PARD6G: variants seen among roughly 807,000 people sequenced by gnomAD.
PARD6G encodes par-6 family cell polarity regulator gamma.
In PARD6G, 7 loss-of-function variants were observed where a neutral mutation model predicts 10.7. That is an observed-to-expected ratio of 0.66 (90% CI 0.37 to 1.23). The LOEUF is 1.23. Ranked by LOEUF, PARD6G falls within the 50% of genes most tolerant of loss-of-function variation. The probability of loss-of-function intolerance (pLI) is 0.02; values close to 1 mark genes in which losing one functional copy is unlikely to be tolerated. For synonymous variants in PARD6G, 287 were observed against 269.4 expected, an observed-to-expected ratio of 1.07 and a Z score of -0.64; for missense variants, 548 against 571.8, an observed-to-expected ratio of 0.96 and a Z score of 0.42.
chr18:80,176,695 T>TC (rs1336821249), intron 2 of PARD6G, among the ~76,000 whole-genome samples: 1 of 151,660 alleles, frequency 6.6e-6, no homozygotes, highest in Admixed American at 6.6e-5. Flanking sequence ...GAAGAAAGCC[T>TC]CCCCCCTCAT....
chr18:80,193,017 T>C lies in PARD6G; in HGVS notation c.295+9693A>G, dbSNP rs542541880. On this transcript the variant is annotated intron_variant, in intron 2 of 2. Coordinates refer to ENST00000353265, the MANE Select transcript of PARD6G (RefSeq NM_032510.4). The stretch of plus-strand genomic sequence containing the variant: ...TCTCAAGACAGAACTTGCTTCCTAG[T>C]TCAGAAAGGCCCCAAGCAGATGGTG... 4.6e-5 allele frequency among the ~76,000 whole-genome samples: 7 copies of C among 152,228 alleles called. No homozygotes were observed. The South Asian group carries it at 1.2e-3, about 27-fold the overall frequency.
intron 2 of PARD6G, among the ~76,000 whole-genome samples, chr18:80,186,974 C>G (rs1018155712): frequency 6.6e-6 from 1 of 152,112 alleles, no homozygotes; most frequent in Non-Finnish European, 1.5e-5. Context: ...TGGCGGGCAC[C>G]TGTAGTCCCA....
intron 1 of PARD6G, among the ~76,000 whole-genome samples, chr18:80,208,817 C>T (rs978566973): frequency 6.6e-5 from 10 of 152,124 alleles, no homozygotes; most frequent in African/African-American, 2.4e-4. Flanking sequence ...TAATAGATAA[C>T]CCCATCAAAA....
intron 2 of PARD6G, chr18:80,187,871 C>T (rs2052888704): frequency 6.6e-6 from 1 of 152,196 alleles, no homozygotes; most frequent in Admixed American, 6.5e-5. Flanking sequence ...GTGGAGTAGC[C>T]CATTGCTCTG....
intron 1 of PARD6G, among the ~76,000 whole-genome samples, chr18:80,242,500 A>G (rs1967500926): frequency 6.6e-6 from 1 of 152,186 alleles, no homozygotes; most frequent in Non-Finnish European, 1.5e-5. Flanking sequence ...TGCTAACACA[A>G]AACACTGCAC....
chr18:80,179,966 T>C (rs1309004570), intron 2 of PARD6G, among the ~76,000 whole-genome samples: 1 of 152,230 alleles, frequency 6.6e-6, no homozygotes. Flanking sequence ...GGCACCCAGC[T>C]GCCAAGAGCT....
At chr18:80,160,727 A>G (rs2052694732) in intron 2 of PARD6G, 121 bp from the exon 3 acceptor site, 4 of 1,379,128 alleles carry the variant, frequency 2.9e-6, no homozygotes, top group Non-Finnish European at 3.8e-6. Context: ...GGTGCACAGG[A>G]GCATTCCAGA....
chr18:80,223,440 C>T (rs939885344), intron 1 of PARD6G, among the ~76,000 whole-genome samples: 6 of 151,968 alleles, frequency 3.9e-5, no homozygotes, highest in Non-Finnish European at 8.8e-5. Flanking sequence ...AAAAGACAAC[C>T]CCATTAAAAA....
At chr18:80,179,333 C>T (rs987054347) in intron 2 of PARD6G, among the ~76,000 whole-genome samples, 2 of 152,182 alleles carry the variant, frequency 1.3e-5, no homozygotes, top group African/African-American at 4.8e-5. Flanking sequence ...CTCAGCAAGG[C>T]CCAGGGAGGA....
chr18:80,202,513 T>C (rs1967017040), intron 2 of PARD6G, 197 bp downstream of exon 2: 1 of 536,496 alleles, frequency 1.9e-6, no homozygotes, highest in African/African-American at 1.9e-5. Flanking sequence ...AAGTCAGAAG[T>C]CAATATCATT....
chr18:80,160,136 C>T lies in PARD6G; in HGVS notation c.766G>A (p.Val256Met). The T allele has an allele frequency of 6.2e-7, 1 of 1,613,068 alleles. No homozygotes were observed. Among genetic ancestry groups the T allele is most frequent in the Non-Finnish European group, 8.5e-7 (1 of 1,179,696 alleles). ...TVKPANQRNN[V>M]VRGGRALGSS... ...CCCAACGCGCGGCCGCCGCGCACCA[C>T]GTTGTTGCGCTGGTTGGCGGGCTTG... The change falls in exon 3 of 3, where the codon GTG becomes ATG. Residue 256 changes from valine to methionine, a missense_variant. This residue lies in a region of PARD6G where 313 missense variants were observed against 279.9 expected (regional missense o/e 1.12). Transcript: ENST00000353265.
chr18:80,203,761 G>A (rs1041041383), intron 1 of PARD6G, among the ~76,000 whole-genome samples: 8 of 152,088 alleles, frequency 5.3e-5, no homozygotes, highest in South Asian at 2.1e-4. Flanking sequence ...AAGACCTTAC[G>A]GGTCTTAATT....
At chr18:80,205,915 G>A (rs1967049850) in intron 1 of PARD6G, among the ~76,000 whole-genome samples, 2 of 152,198 alleles carry the variant, frequency 1.3e-5, no homozygotes, top group African/African-American at 4.8e-5. Flanking sequence ...CAACTAGTAA[G>A]AGTGTTTTTG....
chr18:80,238,857 G>C (rs973772075), intron 1 of PARD6G, among the ~76,000 whole-genome samples: 2 of 151,934 alleles, frequency 1.3e-5, no homozygotes, highest in Non-Finnish European at 2.9e-5. Context: ...TCACAGAATC[G>C]GGGGGCGGGC....
At chr18:80,229,765 G>C (rs973822432) in intron 1 of PARD6G, among the ~76,000 whole-genome samples, 1 of 152,216 alleles carries the variant, frequency 6.6e-6, no homozygotes, top group African/African-American at 2.4e-5. Context: ...TTTAAACTCA[G>C]GGAATAAGGA....
intron 1 of PARD6G, among the ~76,000 whole-genome samples, chr18:80,223,683 T>C (rs909780194): frequency 1.3e-4 from 20 of 152,210 alleles, no homozygotes; most frequent in Admixed American, 6.5e-4. Context: ...AGTTACCATG[T>C]GACCCAGAAA....
chr18:80,176,854 C>T (rs1363711675), intron 2 of PARD6G, among the ~76,000 whole-genome samples: 1 of 152,098 alleles, frequency 6.6e-6, no homozygotes, highest in Non-Finnish European at 1.5e-5. Flanking sequence ...ACAGGATACA[C>T]ACACATGCAC....
rs374857611 is a variant in PARD6G, at chr18:80,183,272, C to T, written c.295+19438G>A. The T allele has an allele frequency of 1.5e-3, 1,044 of 680,188 alleles. 25 individuals carry two copies. In the South Asian group the frequency reaches 0.016, roughly 10 times the overall value. 42.1% of individuals were successfully genotyped at this position (680,188 alleles called of 1,614,324 possible). ...GCATGGAGAAGAGCAAAGCCGCATA[C>T]AGGCATAGTGGAAAAGTACGCTGAC... On this transcript the variant is annotated intron_variant, in intron 2 of 2. Coordinates refer to ENST00000353265, the MANE Select transcript of PARD6G (RefSeq NM_032510.4). This position sits in a 1 kb window ranked among gnomAD's most constrained non-coding sequence, Gnocchi z 4.5.
intron 2 of PARD6G, among the ~76,000 whole-genome samples, chr18:80,173,672 A>G (rs1293550894): frequency 2.0e-5 from 3 of 152,180 alleles, no homozygotes; most frequent in South Asian, 2.1e-4. Context: ...GGGAAGGGGA[A>G]GAAGGCAAAC....
Sources: allele counts gnomAD v4.1 joint callset (sites outside exome capture counted in the v4.1 genomes callset), GRCh38; gene constraint gnomAD v4.1.1; regional missense constraint gnomAD v4.1.1; non-coding constraint Gnocchi (gnomAD v3.1); transcripts MANE v1.5; gene names NCBI Gene and HGNC (gene_info 2026-07-23, HGNC 2026-07-21).